Variants in NRG1 observed in about 807,000 individuals in gnomAD.
NRG1 encodes neuregulin 1.
Under a neutral mutation model 63.8 loss-of-function variants are expected in NRG1, and 18 were observed. That is an observed-to-expected ratio of 0.28 (90% CI 0.19 to 0.42). The LOEUF (loss-of-function observed/expected upper bound fraction) is 0.42. NRG1 is among the 10% of genes least tolerant of loss of function. NRG1 has a pLI of 1.00. For synonymous variants in NRG1, 302 were observed against 301.3 expected (o/e 1.00, Z -0.02); for missense variants, 762 against 814.7 (o/e 0.94, Z 0.79).
intron 1 of NRG1, among the ~76,000 whole-genome samples, chr8:31,964,141 C>T (rs995956967): frequency 2.6e-5 from 4 of 152,198 alleles, no homozygotes; most frequent in African/African-American, 7.2e-5. Context: ...CCCACATGGC[C>T]ACAGGATCAG....
At chr8:31,871,487 C>A (rs1009193862) in intron 1 of NRG1, among the ~76,000 whole-genome samples, 1 of 152,054 alleles carries the variant, frequency 6.6e-6, no homozygotes, top group South Asian at 2.1e-4. Flanking sequence ...AAACTTTTCT[C>A]GGTGTTCTCT....
At chr8:31,722,453 A>G (rs926908110) in intron 1 of NRG1, among the ~76,000 whole-genome samples, 2 of 152,152 alleles carry the variant, frequency 1.3e-5, no homozygotes, top group African/African-American at 4.8e-5. Flanking sequence ...ACGGTGGCAC[A>G]GAGTCCCCAG....
At chr8:31,970,279 C>G (rs1807064381) in intron 1 of NRG1, among the ~76,000 whole-genome samples, 1 of 152,140 alleles carries the variant, frequency 6.6e-6, no homozygotes, top group East Asian at 1.9e-4. Context: ...CTAAAGGTAT[C>G]TCTTTGGTAT....
chr8:31,878,060 C>A (rs191599794), intron 1 of NRG1, among the ~76,000 whole-genome samples: 14 of 152,092 alleles, frequency 9.2e-5, no homozygotes, highest in African/African-American at 3.4e-4. Context: ...TTTCAGAAAA[C>A]GACCTATCTA....
chr8:32,593,422 G>A (rs1317733609), intron 1 of NRG1, among the ~76,000 whole-genome samples: 2 of 152,150 alleles, frequency 1.3e-5, no homozygotes, highest in Non-Finnish European at 1.5e-5. Flanking sequence ...GGGAGGCCAA[G>A]GCAGGCAGAT....
intron 1 of NRG1, among the ~76,000 whole-genome samples, chr8:31,650,964 G>A (rs1261609682): frequency 6.6e-6 from 1 of 152,136 alleles, no homozygotes; most frequent in African/African-American, 2.4e-5. Flanking sequence ...GCTTTTCAAG[G>A]TCCGTTTAAA....
intron 5 of NRG1, among the ~76,000 whole-genome samples, chr8:32,671,214 T>G (rs190820683): frequency 1.3e-5 from 2 of 152,086 alleles, no homozygotes; most frequent in Admixed American, 1.3e-4. Flanking sequence ...TGGAAGGAGC[T>G]CAGTGACAAA....
At chr8:31,945,737 G>A (rs923005648) in intron 1 of NRG1, among the ~76,000 whole-genome samples, 2 of 152,108 alleles carry the variant, frequency 1.3e-5, no homozygotes, top group Non-Finnish European at 2.9e-5. Context: ...GCATATCTGT[G>A]TTTTCATTCA....
intron 1 of NRG1, among the ~76,000 whole-genome samples, chr8:31,972,879 A>G (rs575648891): frequency 3.3e-5 from 5 of 152,204 alleles, no homozygotes; most frequent in South Asian, 2.1e-4. Flanking sequence ...AAAATGACCA[A>G]ACCTCCTAAT....
intron 1 of NRG1, among the ~76,000 whole-genome samples, chr8:32,498,254 G>A (rs1043286329): frequency 5.9e-5 from 9 of 152,278 alleles, no homozygotes; most frequent in East Asian, 5.8e-4. Context: ...AATGAGTGGC[G>A]AATTGTGGAG....
chr8:31,800,842 T>C lies in NRG1; in HGVS notation c.37+161411T>C, dbSNP rs990009175. Among the ~76,000 whole-genome samples the C allele has an allele frequency of 8.0e-3, 1,093 of 135,916 alleles. 42 individuals are homozygous for C. The South Asian group carries it at 0.12, about 15-fold the overall frequency. 89.2% of individuals were successfully genotyped at this position (135,916 alleles called of 152,430 possible). A position where few individuals can be genotyped will look rare whatever the true frequency, so the allele number is the denominator to read the frequency against. On this transcript the variant is annotated intron_variant, in intron 1 of 10. Transcript: ENST00000519301. ...AGATTTCTCCAGTCTCCTTTCTTTT[T>C]TTTTTTTTTTTTTTTTGAGATGGAG...
chr8:31,712,598 A>G (rs1016204732), intron 1 of NRG1, among the ~76,000 whole-genome samples: 8 of 152,072 alleles, frequency 5.3e-5, no homozygotes, highest in African/African-American at 1.9e-4. Context: ...CAGTTGCTTC[A>G]TTTATTTTAC....
chr8:31,933,828 C>G (rs1278493088), intron 1 of NRG1, among the ~76,000 whole-genome samples: 1 of 152,154 alleles, frequency 6.6e-6, no homozygotes, highest in African/African-American at 2.4e-5. Context: ...CCAGTTATTA[C>G]TACCTAAAAT....
At chr8:32,479,342 T>A (rs1824933848) in intron 1 of NRG1, among the ~76,000 whole-genome samples, 1 of 151,814 alleles carries the variant, frequency 6.6e-6, no homozygotes, top group African/African-American at 2.4e-5. Flanking sequence ...TCAAGCTTGG[T>A]GGTAGGTGCC....
intron 1 of NRG1, among the ~76,000 whole-genome samples, chr8:31,847,281 C>T (rs755343342): frequency 6.6e-6 from 1 of 151,644 alleles, no homozygotes; most frequent in South Asian, 2.1e-4. Context: ...TCTAAGTTTA[C>T]CTAAGACTTT....
At chr8:31,649,558 T>C (rs1315067110) in intron 1 of NRG1, among the ~76,000 whole-genome samples, 1 of 152,212 alleles carries the variant, frequency 6.6e-6, no homozygotes, top group Non-Finnish European at 1.5e-5. Context: ...TTAGTTTAAA[T>C]AGCATGTAAG....
chr8:32,478,587 T>C (rs1157116097), intron 1 of NRG1, among the ~76,000 whole-genome samples: 1 of 152,104 alleles, frequency 6.6e-6, no homozygotes, highest in African/African-American at 2.4e-5. Flanking sequence ...CACATTAGAG[T>C]GCAATGAAGC....
chr8:32,008,394 A>G (rs1481623), intron 1 of NRG1, among the ~76,000 whole-genome samples: 83,190 of 151,846 alleles, frequency 0.55, 26,414 homozygotes, highest in Non-Finnish European at 0.72. Context: ...TATAAGAGAA[A>G]CAAAAGAAAG....
chr8:32,698,572 T>A (rs1813989952), intron 5 of NRG1, among the ~76,000 whole-genome samples: 1 of 152,142 alleles, frequency 6.6e-6, no homozygotes, highest in Admixed American at 6.5e-5. Flanking sequence ...GCGTGAGCAT[T>A]CACGGGAAGG....
Sources: gnomAD v4.1 joint callset for allele counts (sites outside exome capture counted in the v4.1 genomes callset) on GRCh38, gnomAD v4.1.1 for gene constraint, MANE v1.5 for transcripts, NCBI Gene and HGNC (gene_info 2026-07-23, HGNC 2026-07-21) for gene names.